KIAA1217: variants seen among roughly 807,000 people sequenced by gnomAD.
KIAA1217 encodes the protein KIAA1217, also known as sickle tail protein homolog.
In KIAA1217, 88 loss-of-function variants were observed where a neutral mutation model predicts 163.9. The observed-to-expected ratio is 0.54, with a 90% CI of 0.45 to 0.64. The LOEUF is 0.64. KIAA1217 is among the 30% of genes least tolerant of loss of function. The probability of loss-of-function intolerance (pLI) is 0.00; values close to 1 mark genes in which losing one functional copy is unlikely to be tolerated. For missense variants in KIAA1217, 2,372 were observed against 2,475.0 expected (o/e 0.96, Z 0.88); for synonymous variants, 903 against 923.1 (o/e 0.98, Z 0.39).
chr10:24,503,901 T>G (rs2068006272), intron 9 of KIAA1217, among the ~76,000 whole-genome samples: 1 of 152,236 alleles, frequency 6.6e-6, no homozygotes, highest in South Asian at 2.1e-4. Flanking sequence ...ATCATTTGTA[T>G]GGAAGTACCT....
chr10:24,284,511 A>C (rs929091787), intron 2 of KIAA1217, among the ~76,000 whole-genome samples: 1 of 152,194 alleles, frequency 6.6e-6, no homozygotes, highest in African/African-American at 2.4e-5. Flanking sequence ...TTCACTTAGG[A>C]TAATGGCCTC....
In KIAA1217 at chr10:24,495,157, A is replaced by G. The variant is rs2066635243; in HGVS notation, c.1795A>G (p.Met599Val). Residue 599 changes from methionine (M) to valine (V), a missense_variant, in exon 8 of 21, where the codon ATG becomes GTG. Transcript: ENST00000376454. ...TTTTCTTTTATTCAGCGAGAAAATG[A>G]TGAAAACCACAGCCAACAGGAACCA... is the stretch of plus-strand genomic sequence containing the variant. ...YSKDASSEKM[M>V]KTTANRNHTD... The G allele has an allele frequency of 1.2e-6, 2 of 1,612,584 alleles. No individual in the cohort carries two copies. Among genetic ancestry groups the G allele is most frequent in the Non-Finnish European group, 1.7e-6 (2 of 1,179,638 alleles).
At chr10:23,911,386 T>C (rs1842421167) in intron 1 of KIAA1217, among the ~76,000 whole-genome samples, 1 of 152,198 alleles carries the variant, frequency 6.6e-6, no homozygotes, top group Non-Finnish European at 1.5e-5. Context: ...GAATTAGAAA[T>C]GTTTTCATCA....
At chr10:24,157,845 T>A in intron 2 of KIAA1217, 1 of 530,278 alleles carries the variant, frequency 1.9e-6, no homozygotes, top group Non-Finnish European at 3.5e-6. Context: ...ATGGCAGCCT[T>A]TGCCATGGAA....
chr10:23,900,518 A>G (rs1452460163), intron 1 of KIAA1217, among the ~76,000 whole-genome samples: 1 of 152,152 alleles, frequency 6.6e-6, no homozygotes, highest in Admixed American at 6.5e-5. Context: ...CAATATTTAT[A>G]TAGATGATCA....
chr10:24,334,162 A>T (rs1461337443), intron 2 of KIAA1217, among the ~76,000 whole-genome samples: 2 of 152,226 alleles, frequency 1.3e-5, no homozygotes, highest in Non-Finnish European at 2.9e-5. Flanking sequence ...CTCAAAGTAG[A>T]AAATGAAGAT....
intron 3 of KIAA1217, among the ~76,000 whole-genome samples, chr10:24,415,111 T>TA (rs1491411130): frequency 3.4e-5 from 2 of 59,540 alleles, no homozygotes; most frequent in Non-Finnish European, 6.0e-5. Flanking sequence ...GATCTCTCTC[T>TA]TTTTTTTTTT....
rs368457035 is a variant in KIAA1217, at chr10:24,544,437, A to G, written c.5167A>G (p.Thr1723Ala). 2.5e-6 allele frequency: 4 copies of G among 1,613,956 alleles called. No individual in the cohort carries two copies. The African/African-American group carries it at 5.3e-5, about 22-fold the overall frequency. ...RPLLVPDEGP[T>A]ALEPPTSIPS... ...CTTGCTAGTTCCGGATGAAGGTCCCACTGCCCTAGAGCCCCCTACGTCGAT... is the reference window on the plus strand; with the variant it reads ...CTTGCTAGTTCCGGATGAAGGTCCCGCTGCCCTAGAGCCCCCTACGTCGAT... Residue 1723 changes from threonine (T) to alanine (A), a missense_variant, in exon 19 of 21, where the codon ACT becomes GCT. Transcript: ENST00000376454.
intron 2 of KIAA1217, among the ~76,000 whole-genome samples, chr10:24,266,007 T>C (rs2076198117): frequency 6.6e-6 from 1 of 151,420 alleles, no homozygotes; most frequent in Admixed American, 6.6e-5. Context: ...GGCAGAAAGA[T>C]ACTTTGTTTT....
intron 2 of KIAA1217, among the ~76,000 whole-genome samples, chr10:24,253,718 C>A (rs978614252): frequency 6.7e-6 from 1 of 149,792 alleles, no homozygotes; most frequent in Non-Finnish European, 1.5e-5. Context: ...GGCAACACAG[C>A]GGGACTCTGT....
chr10:24,193,096 T>G (rs2130477262), intron 2 of KIAA1217, among the ~76,000 whole-genome samples: 1 of 152,292 alleles, frequency 6.6e-6, no homozygotes, highest in Admixed American at 6.5e-5. Flanking sequence ...AAAAAAAATT[T>G]TTTTGAGAGA....
chr10:23,972,030 A>C (rs1845336069), intron 1 of KIAA1217, among the ~76,000 whole-genome samples: 1 of 152,210 alleles, frequency 6.6e-6, no homozygotes, highest in Non-Finnish European at 1.5e-5. Flanking sequence ...ATGAATATCT[A>C]ACATTTATTG....
chr10:24,170,122 T>C (rs1364170236), intron 2 of KIAA1217, among the ~76,000 whole-genome samples: 1 of 152,214 alleles, frequency 6.6e-6, no homozygotes, highest in East Asian at 1.9e-4. Context: ...ATACAAAAAC[T>C]CATATTAAAT....
intron 1 of KIAA1217, among the ~76,000 whole-genome samples, chr10:23,759,300 A>G (rs1834117889): frequency 6.6e-6 from 1 of 150,746 alleles, no homozygotes; most frequent in Non-Finnish European, 1.5e-5. Flanking sequence ...TAGTTCTAAC[A>G]TTTTTTGGTG....
chr10:23,796,000 G>A (rs1439858298), intron 1 of KIAA1217, among the ~76,000 whole-genome samples: 2 of 152,172 alleles, frequency 1.3e-5, no homozygotes, highest in Non-Finnish European at 2.9e-5. Flanking sequence ...TCCCTTGAAA[G>A]AACTCAAAAT....
At chr10:24,163,244 A>G (rs1333050660) in intron 2 of KIAA1217, among the ~76,000 whole-genome samples, 1 of 152,202 alleles carries the variant, frequency 6.6e-6, no homozygotes, top group Non-Finnish European at 1.5e-5. Flanking sequence ...GACTGCTAGT[A>G]AAGAGATTTT....
At chr10:23,754,310 G>A (rs1468950921) in intron 1 of KIAA1217, among the ~76,000 whole-genome samples, 3 of 152,196 alleles carry the variant, frequency 2.0e-5, no homozygotes, top group Non-Finnish European at 4.4e-5. Context: ...AAAGACTGAA[G>A]GATCTCATTA....
intron 2 of KIAA1217, among the ~76,000 whole-genome samples, chr10:24,017,660 T>G (rs1465098172): frequency 1.3e-5 from 2 of 152,180 alleles, no homozygotes; most frequent in East Asian, 3.9e-4. Context: ...AAATTTAATT[T>G]TATATGTATA....
At chr10:24,545,694 C>A (rs2075666221) in intron 20 of KIAA1217, 133 bp from the exon 21 acceptor site, 2 of 1,474,744 alleles carry the variant, frequency 1.4e-6, no homozygotes, top group Middle Eastern at 2.5e-4. Flanking sequence ...CAAGACTTAG[C>A]TCAGGCCTTG....
Sources: gnomAD v4.1 joint callset for allele counts (sites outside exome capture counted in the v4.1 genomes callset) on GRCh38, gnomAD v4.1.1 for gene constraint, MANE v1.5 for transcripts, NCBI Gene and HGNC (gene_info 2026-07-23, HGNC 2026-07-21) for gene names.